TTLL11: variants seen among roughly 807,000 people sequenced by gnomAD.
TTLL11 encodes the protein tubulin polyglutamylase TTLL11.
Under a neutral mutation model 51.7 loss-of-function variants are expected in TTLL11, and 42 were observed. The observed-to-expected ratio is 0.81, with a 90% CI of 0.64 to 1.05. TTLL11 has a LOEUF of 1.05. Ranked by LOEUF, TTLL11 falls within the 50% of genes least tolerant of loss-of-function variation. The probability of loss-of-function intolerance (pLI) is 0.00; values close to 1 mark genes in which losing one functional copy is unlikely to be tolerated. For synonymous variants in TTLL11, 381 were observed against 383.5 expected (o/e 0.99, Z 0.08); for missense variants, 799 against 940.4 (o/e 0.85, Z 1.97).
chr9:121,874,322 C>T (rs1393825327), intron 6 of TTLL11, among the ~76,000 whole-genome samples: 1 of 152,146 alleles, frequency 6.6e-6, no homozygotes, highest in Non-Finnish European at 1.5e-5. Flanking sequence ...TTCAAATATA[C>T]ATCATAATTC....
intron 8 of TTLL11, among the ~76,000 whole-genome samples, chr9:121,827,413 C>T (rs980448230): frequency 1.3e-5 from 2 of 152,226 alleles, no homozygotes; most frequent in Admixed American, 6.5e-5. Context: ...TACCTGAGGC[C>T]CCCAAGTCAC....
intron 8 of TTLL11, among the ~76,000 whole-genome samples, chr9:121,854,338 A>G (rs962050237): frequency 6.6e-6 from 1 of 152,210 alleles, no homozygotes; most frequent in African/African-American, 2.4e-5. Flanking sequence ...AAACAATGCC[A>G]TTCTTAGATC....
chr9:121,960,437 T>C (rs1379104258), intron 6 of TTLL11, among the ~76,000 whole-genome samples: 1 of 152,164 alleles, frequency 6.6e-6, no homozygotes, highest in Non-Finnish European at 1.5e-5. Flanking sequence ...GAGAGCCCCA[T>C]GTCCTGTCCT....
intron 1 of TTLL11, among the ~76,000 whole-genome samples, chr9:122,079,047 T>C (rs894859988): frequency 2.0e-5 from 3 of 152,236 alleles, no homozygotes; most frequent in African/African-American, 7.2e-5. Context: ...TGAACATTAG[T>C]GTACAAGTTG....
chr9:121,910,887 T>C (rs1252525821), intron 6 of TTLL11, among the ~76,000 whole-genome samples: 1 of 152,246 alleles, frequency 6.6e-6, no homozygotes, highest in Admixed American at 6.5e-5. Flanking sequence ...CATTTGTTTG[T>C]ATTTTTAAAG....
chr9:121,917,540 A>C (rs1840375345), intron 6 of TTLL11, among the ~76,000 whole-genome samples: 1 of 139,960 alleles, frequency 7.1e-6, no homozygotes, highest in South Asian at 2.3e-4. Flanking sequence ...GAAGGAAGGA[A>C]GGAAGAAAAA....
intron 6 of TTLL11, among the ~76,000 whole-genome samples, chr9:121,941,247 C>G (rs1564316955): frequency 6.6e-6 from 1 of 152,214 alleles, no homozygotes; most frequent in Non-Finnish European, 1.5e-5. Context: ...CTGAGTACTG[C>G]AAAATGCCTT....
At chr9:122,058,963 G>T (rs887839614) in intron 1 of TTLL11, among the ~76,000 whole-genome samples, 1 of 152,140 alleles carries the variant, frequency 6.6e-6, no homozygotes, top group African/African-American at 2.4e-5. Context: ...TTAAGGCAGA[G>T]CTAGGCCACG....
In TTLL11 at chr9:121,821,183, C is replaced by T. The variant is rs1214542131; in HGVS notation, c.*1404G>A. 6.6e-6 allele frequency among the ~76,000 whole-genome samples: 1 copy of T among 151,986 alleles called. No individual in the cohort carries two copies. The highest frequency in any genetic ancestry group is 1.5e-5 in the Non-Finnish European group (1 of 67,998). ...ATGCTTTTGAGTACCTGTTATGAAC[C>T]AGGTCAACTGCTCTTATCAGTTTGG... is the stretch of plus-strand genomic sequence containing the variant. On this transcript the variant is annotated 3_prime_UTR_variant, in exon 9 of 9. Transcript: ENST00000321582. The surrounding 1 kb of genome is among the most constrained non-coding windows in gnomAD (Gnocchi z 5.0).
chr9:121,976,334 C>G (rs1177780520), intron 4 of TTLL11, among the ~76,000 whole-genome samples: 2 of 152,254 alleles, frequency 1.3e-5, no homozygotes, highest in African/African-American at 2.4e-5. Context: ...ATCTCGTTCT[C>G]TCTGCCTAGA....
Position 121,818,339 on chromosome 9 carries a change from A to C in TTLL11, c.*4248T>G, listed in dbSNP as rs1197752950. On this transcript the variant is annotated 3_prime_UTR_variant, in exon 9 of 9. Transcript: ENST00000321582. ...GGCAGCCGGGAATGTAGAGGTGTTC[A>C]GCGGATCGGCTTGGCAAGGTTTAGA... The C allele has an allele frequency of 6.6e-6, 1 of 152,296 alleles. No individual in the cohort carries two copies. Among genetic ancestry groups the C allele is most frequent in the Non-Finnish European group, 1.5e-5 (1 of 68,088 alleles). The allele number at this position is 152,296 out of a possible 1,614,324, so 9.4% of individuals were successfully genotyped here.
chr9:121,822,196 G>A lies in TTLL11; in HGVS notation c.*391C>T, dbSNP rs1345157390. 8 of 153,804 alleles carry A rather than the reference G, an allele frequency of 5.2e-5. No homozygotes were observed. Among genetic ancestry groups the A allele is most frequent in the South Asian group, 2.1e-4 (1 of 4,710 alleles). 9.5% of individuals were successfully genotyped at this position (153,804 alleles called of 1,614,324 possible). ...TTCCCGGTGGGCGCGTGGAGGCCCC[G>A]GCAGCAGATCCTAACACTCGGCTTC... On this transcript the variant is annotated 3_prime_UTR_variant, in exon 9 of 9. Transcript: ENST00000321582. The surrounding 1 kb of genome is among the most constrained non-coding windows in gnomAD (Gnocchi z 5.8).
intron 4 of TTLL11, among the ~76,000 whole-genome samples, chr9:121,983,259 G>A (rs541905407): frequency 1.3e-5 from 2 of 152,344 alleles, no homozygotes; most frequent in Admixed American, 1.3e-4. Flanking sequence ...CAGTAAAGAC[G>A]ATAGAGAGTA....
chr9:122,078,757 T>C (rs1384895151), intron 1 of TTLL11, among the ~76,000 whole-genome samples: 3 of 152,146 alleles, frequency 2.0e-5, no homozygotes, highest in African/African-American at 4.8e-5. Flanking sequence ...AAGCTACACA[T>C]TGAGTTGTTT....
chr9:121,996,508 G>A lies in TTLL11; in HGVS notation c.694-6738C>T, dbSNP rs531187068. 3.3e-5 allele frequency among the ~76,000 whole-genome samples: 5 copies of A among 151,980 alleles called. No individual in the cohort carries two copies. The East Asian group carries it at 5.8e-4, about 18-fold the overall frequency. ...ACACATGTATAGAGTACACACATGC[G>A]AGCACATGCACACACATGCACACGT... On this transcript the variant is annotated intron_variant, in intron 3 of 8. Coordinates refer to ENST00000321582, the MANE Select transcript of TTLL11 (RefSeq NM_001139442.2).
intron 8 of TTLL11, among the ~76,000 whole-genome samples, chr9:121,850,643 A>T (rs1292928432): frequency 6.6e-6 from 1 of 152,134 alleles, no homozygotes; most frequent in Non-Finnish European, 1.5e-5. Flanking sequence ...CCCCCAGCTG[A>T]TTGGATGGTG....
intron 3 of TTLL11, among the ~76,000 whole-genome samples, chr9:122,028,158 G>T (rs1844409307): frequency 6.6e-6 from 1 of 152,126 alleles, no homozygotes; most frequent in Admixed American, 6.5e-5. Flanking sequence ...TAAGCCGAAA[G>T]AAGAGATAAA....
intron 6 of TTLL11, among the ~76,000 whole-genome samples, chr9:121,878,551 G>T (rs1838655432): frequency 1.3e-5 from 2 of 152,142 alleles, no homozygotes; most frequent in Admixed American, 6.5e-5. Flanking sequence ...GCATTTTCCT[G>T]CAGGGCCAGG....
intron 6 of TTLL11, among the ~76,000 whole-genome samples, chr9:121,946,670 G>A (rs577411638): frequency 1.5e-4 from 23 of 152,328 alleles, no homozygotes; most frequent in Admixed American, 4.6e-4. Context: ...ACCCACAAGT[G>A]TCCGTCAGGA....
Sources: allele counts gnomAD v4.1 joint callset (sites outside exome capture counted in the v4.1 genomes callset), GRCh38; gene constraint gnomAD v4.1.1; non-coding constraint Gnocchi (gnomAD v3.1); transcripts MANE v1.5; gene names NCBI Gene and HGNC (gene_info 2026-07-23, HGNC 2026-07-21).